Variants in DENND1A observed in about 807,000 individuals in gnomAD.
The protein encoded by DENND1A is DENN domain-containing protein 1A.
Under a neutral mutation model 113.7 loss-of-function variants are expected in DENND1A, and 51 were observed. That is an observed-to-expected ratio of 0.45 (90% confidence interval 0.36 to 0.57). DENND1A has a LOEUF of 0.57. Ranked by LOEUF, DENND1A falls within the 20% of genes least tolerant of loss-of-function variation. The pLI, the probability that DENND1A is intolerant of heterozygous loss-of-function variation, is 0.00. For synonymous variants in DENND1A, 565 were observed against 570.8 expected, an observed-to-expected ratio of 0.99 and a Z score of 0.14; for missense variants, 1,258 against 1,395.9, an observed-to-expected ratio of 0.90 and a Z score of 1.57.
intron 11 of DENND1A, among the ~76,000 whole-genome samples, chr9:123,595,817 C>G (rs372121288): frequency 3.9e-5 from 6 of 152,138 alleles, no homozygotes; most frequent in Non-Finnish European, 4.4e-5. Flanking sequence ...AGCTGGCCCC[C>G]CTCTGGGAGC....
At chr9:123,427,429 C>T (rs141190558) in intron 19 of DENND1A, among the ~76,000 whole-genome samples, 21 of 152,336 alleles carry the variant, frequency 1.4e-4, no homozygotes, top group Admixed American at 1.2e-3. Flanking sequence ...CAGAAGCTAT[C>T]GCAGGCAACG....
chr9:123,715,516 A>G (rs868677862), intron 5 of DENND1A, among the ~76,000 whole-genome samples: 3 of 152,212 alleles, frequency 2.0e-5, no homozygotes, highest in Non-Finnish European at 2.9e-5. Flanking sequence ...TCATTAATGA[A>G]TGAGTGAGTA....
chr9:123,384,042 G>T, intron 22 of DENND1A, 129 bp from the exon 23 acceptor site: 1 of 1,277,772 alleles, frequency 7.8e-7, no homozygotes, highest in Non-Finnish European at 1.1e-6. Flanking sequence ...AGAGTGTCCC[G>T]GGGTCTCCGT....
intron 5 of DENND1A, among the ~76,000 whole-genome samples, chr9:123,732,699 C>T (rs2130898472): frequency 6.6e-6 from 1 of 152,284 alleles, no homozygotes; most frequent in East Asian, 1.9e-4. Context: ...AGAAAAGTCT[C>T]ACCAAATCTA....
intron 21 of DENND1A, among the ~76,000 whole-genome samples, chr9:123,398,400 C>T (rs1204405288): frequency 1.3e-5 from 2 of 151,880 alleles, no homozygotes; most frequent in Admixed American, 6.6e-5. Flanking sequence ...TTTGAGACGG[C>T]GTCTCACTCT....
chr9:123,710,469 T>C (rs977871609), intron 5 of DENND1A, among the ~76,000 whole-genome samples: 1 of 151,932 alleles, frequency 6.6e-6, no homozygotes, highest in Non-Finnish European at 1.5e-5. Context: ...TTCTAGTCAC[T>C]CACCAACCAA....
chr9:123,768,751 A>T (rs985767357), intron 4 of DENND1A, among the ~76,000 whole-genome samples: 1 of 151,172 alleles, frequency 6.6e-6, no homozygotes, highest in Non-Finnish European at 1.5e-5. Flanking sequence ...TTGAAAATAA[A>T]ATAATTGTTA....
At chr9:123,710,631 C>T (rs908162814) in intron 5 of DENND1A, among the ~76,000 whole-genome samples, 1 of 151,022 alleles carries the variant, frequency 6.6e-6, no homozygotes, top group Admixed American at 6.6e-5. Context: ...TAGGGACAAG[C>T]TGTACTCCCT....
intron 12 of DENND1A, among the ~76,000 whole-genome samples, chr9:123,576,218 C>G (rs552067293): frequency 1.3e-5 from 2 of 152,286 alleles, no homozygotes; most frequent in South Asian, 2.1e-4. Flanking sequence ...AACCTTTAAA[C>G]AGAATACTTC....
chr9:123,757,663 C>T (rs2070683315), intron 5 of DENND1A, 40 bp downstream of exon 5: 3 of 1,600,124 alleles, frequency 1.9e-6, no homozygotes, highest in South Asian at 2.2e-5. Flanking sequence ...GCTGACATTG[C>T]TTCAGAGAAC....
At position 123,556,666 on chromosome 9, in the gene DENND1A, C is replaced by T. The variant is rs376362450; in HGVS notation, c.993+904G>A. Among the ~76,000 whole-genome samples the T allele has an allele frequency of 4.7e-4, 72 of 152,362 alleles. No individual in the cohort carries two copies. In the South Asian group the frequency reaches 0.012, roughly 26 times the overall value. ...ACTCCGACTAGGCTGGGTGTGACAG[C>T]GTCACTCACCCGTTCAAGACGAAGG... is the stretch of plus-strand genomic sequence containing the variant. On this transcript the variant is annotated intron_variant, in intron 13 of 23. Coordinates refer to ENST00000394215, the MANE Select transcript of DENND1A (RefSeq NM_001352964.2).
At chr9:123,864,652 G>A (rs1845569379) in intron 2 of DENND1A, among the ~76,000 whole-genome samples, 1 of 151,862 alleles carries the variant, frequency 6.6e-6, no homozygotes, top group South Asian at 2.1e-4. Flanking sequence ...AAAAATCGCG[G>A]GAGAGAAAAC....
In DENND1A at chr9:123,630,419, C is replaced by G; in HGVS notation, c.676G>C (p.Val226Leu). ...AMLYPMYWQH[V>L]YIPVLPPHLL... ...TGCGGCGGCAGCACGGGGATGTACA[C>G]GTGCTGCCAGTACATGGGGTAGAGC... is the stretch of plus-strand genomic sequence containing the variant. The change falls in exon 10 of 24, where the codon GTG becomes CTG. Residue 226 changes from valine to leucine, a missense_variant. Around this residue, in one of 2 missense-constraint regions of DENND1A, gnomAD observed 1,159 missense variants for 1,231.7 expected, o/e 0.94. Coordinates refer to ENST00000394215, the MANE Select transcript of DENND1A (RefSeq NM_001352964.2). 6.2e-7 allele frequency: 1 copy of G among 1,604,262 alleles called. No homozygotes were observed. The highest frequency in any genetic ancestry group is 1.1e-5 in the South Asian group (1 of 89,762).
At chr9:123,892,232 T>C in intron 1 of DENND1A, among the ~76,000 whole-genome samples, 1 of 152,200 alleles carries the variant, frequency 6.6e-6, no homozygotes. Flanking sequence ...ATAATGCCTA[T>C]TCCCCCCAGC....
chr9:123,643,176 G>A (rs1181789853), intron 9 of DENND1A, among the ~76,000 whole-genome samples: 2 of 152,170 alleles, frequency 1.3e-5, no homozygotes, highest in Admixed American at 6.5e-5. Flanking sequence ...CAGGGTACCC[G>A]GTCCTGCCCA....
chr9:123,464,994 CAAAAAAAAAAAAAAA>C (rs10655282), intron 13 of DENND1A, among the ~76,000 whole-genome samples: 1 of 70,572 alleles, frequency 1.4e-5, no homozygotes, highest in African/African-American at 6.0e-5. Context: ...ACTAAAAATA[CAAAAAAAAAAAAAAA>C]AAAAAAAAAA....
chr9:123,402,620 C>G (rs2043579146), intron 21 of DENND1A: 1 of 534,642 alleles, frequency 1.9e-6, no homozygotes, highest in African/African-American at 1.9e-5. Context: ...CAAGGCATCA[C>G]AGGAAGTCAG....
intron 18 of DENND1A, among the ~76,000 whole-genome samples, chr9:123,442,002 C>T (rs1462830641): frequency 6.6e-6 from 1 of 152,150 alleles, no homozygotes; most frequent in East Asian, 1.9e-4. Flanking sequence ...TCAGTTTCCT[C>T]ATCTGTGAAA....
rs375411027 is a variant in DENND1A at position 123,465,189 on chromosome 9, GA to G, written c.994-7293del. Among the ~76,000 whole-genome samples the G allele has an allele frequency of 5.3e-3, 690 of 129,548 alleles. 4 individuals carry two copies. The highest frequency in any genetic ancestry group is 0.018 in the African/African-American group (637 of 35,260). 85.0% of individuals were successfully genotyped at this position (129,548 alleles called of 152,430 possible). ...GAGCAAGACTACGTCTCAAAAAAAAGAAAAAAAAAACATTAAAAAGAAAAGC... is the reference window on the plus strand; with the variant it reads ...GAGCAAGACTACGTCTCAAAAAAAAGAAAAAAAAACATTAAAAAGAAAAGC... On this transcript the variant is annotated intron_variant, in intron 13 of 23. Coordinates refer to ENST00000394215, the MANE Select transcript of DENND1A (RefSeq NM_001352964.2).
Sources: allele counts gnomAD v4.1 joint callset (sites outside exome capture counted in the v4.1 genomes callset), GRCh38; gene constraint gnomAD v4.1.1; regional missense constraint gnomAD v4.1.1; transcripts MANE v1.5; gene names NCBI Gene and HGNC (gene_info 2026-07-23, HGNC 2026-07-21).